GLI3: variants seen among roughly 807,000 people sequenced by gnomAD.
GLI3 encodes the protein transcription activator GLI3.
GLI3 carries 20 observed loss-of-function variants against 100.8 expected under a neutral mutation model. That is an observed-to-expected ratio of 0.20 (90% CI 0.14 to 0.29). The LOEUF is 0.29. Ranked by LOEUF, GLI3 falls within the 10% of genes least tolerant of loss-of-function variation. The probability of loss-of-function intolerance (pLI) is 1.00; values close to 1 mark genes in which losing one functional copy is unlikely to be tolerated. For missense variants in GLI3, 2,040 were observed against 2,128.5 expected (o/e 0.96, Z 0.82); for synonymous variants, 938 against 860.5 (o/e 1.09, Z -1.58).
chr7:42,148,107 T>C, intron 3 of GLI3, 119 bp downstream of exon 3: 3 of 1,063,942 alleles, frequency 2.8e-6, no homozygotes, highest in Non-Finnish European at 2.6e-6. Context: ...TTTTAATAAA[T>C]TATACAAGCC....
chr7:42,036,278 G>C (rs1044853780), intron 7 of GLI3, among the ~76,000 whole-genome samples: 8 of 152,134 alleles, frequency 5.3e-5, no homozygotes, highest in African/African-American at 1.9e-4. Flanking sequence ...CTTTCAGAAA[G>C]CCAGAATTAT....
intron 3 of GLI3, among the ~76,000 whole-genome samples, chr7:42,127,908 A>G (rs1389918702): frequency 6.6e-6 from 1 of 151,784 alleles, no homozygotes; most frequent in African/African-American, 2.4e-5. Context: ...GCTACTCAGG[A>G]GGCTGAGGCA....
At chr7:42,109,942 C>A (rs1482450247) in intron 3 of GLI3, among the ~76,000 whole-genome samples, 3 of 152,180 alleles carry the variant, frequency 2.0e-5, no homozygotes, top group Non-Finnish European at 2.9e-5. Flanking sequence ...GCTGGCTATA[C>A]CTCTTTAGGA....
chr7:42,153,605 C>G (rs541459500), intron 2 of GLI3, among the ~76,000 whole-genome samples: 5 of 151,808 alleles, frequency 3.3e-5, no homozygotes, highest in South Asian at 2.1e-4. Flanking sequence ...GGGGAAAGAC[C>G]GGAGGATACT....
chr7:41,967,908 G>A lies in GLI3; in HGVS notation c.2119C>T (p.Pro707Ser), dbSNP rs121917716. 579 of 1,614,006 alleles carry A rather than the reference G, an allele frequency of 3.6e-4. No homozygotes were observed. The highest frequency in any genetic ancestry group is 4.6e-4 in the Non-Finnish European group (548 of 1,179,982). The change falls in exon 14 of 15, where the codon CCT (proline) becomes TCT (serine). Residue 707 changes from proline to serine, a missense_variant. By Grantham distance (74) the Pro-to-Ser change is moderately conservative. Transcript: ENST00000395925. ...CTGCTGCATGAAGACTGACCACCAG[G>A]GCTTGGCTGAGATGTCTGTTGGGGT... ...AEKPMTSQPS[P>S]GGQSSCSSQQ...
intron 13 of GLI3, among the ~76,000 whole-genome samples, chr7:41,971,415 A>C (rs1391621692): frequency 6.6e-6 from 1 of 152,200 alleles, no homozygotes; most frequent in East Asian, 1.9e-4. Context: ...AGATGGGCTG[A>C]ATCTCCTCTA....
At chr7:42,112,084 A>G (rs1785722477) in intron 3 of GLI3, among the ~76,000 whole-genome samples, 1 of 152,260 alleles carries the variant, frequency 6.6e-6, no homozygotes, top group South Asian at 2.1e-4. Flanking sequence ...AAACAATGAC[A>G]GGGGAGATTT....
At position 41,972,504 on chromosome 7, in the gene GLI3, T is replaced by C; in HGVS notation, c.1936A>G (p.Ile646Val). ...CTCGGGGGTGGCGGCCGAGGATGGA[T>C]GTCCCCTCGCTGCTTCTTGGTGACA... is the stretch of plus-strand genomic sequence containing the variant. ...AHVTKKQRGD[I>V]HPRPPPPRDS... Residue 646 changes from isoleucine to valine, a missense_variant, in exon 13 of 15, where the codon ATC (isoleucine) becomes GTC (valine). This residue lies in a region of GLI3 where 327 missense variants were observed against 338.7 expected (regional missense o/e 0.97). Transcript: ENST00000395925. This position sits in a 1 kb window ranked among gnomAD's most constrained non-coding sequence, Gnocchi z 4.4. 5 of 1,613,126 alleles carry C rather than the reference T, an allele frequency of 3.1e-6. No homozygotes were observed. Among genetic ancestry groups the C allele is most frequent in the Non-Finnish European group, 4.2e-6 (5 of 1,179,920 alleles).
chr7:42,005,275 A>C (rs1206957468), intron 10 of GLI3, among the ~76,000 whole-genome samples: 6 of 152,110 alleles, frequency 3.9e-5, no homozygotes, highest in Non-Finnish European at 8.8e-5. Context: ...AGTAAGCCTC[A>C]TTATGTTCCC....
At chr7:42,239,737 C>T (rs1788905199), upstream of GLI3, among the ~76,000 whole-genome samples, 1 of 152,246 alleles carries the variant, frequency 6.6e-6, no homozygotes, top group East Asian at 1.9e-4. Context: ...CCCCTATGCC[C>T]GTCACAATAG....
At chr7:42,209,355 G>T (rs917937343) in intron 2 of GLI3, among the ~76,000 whole-genome samples, 4 of 152,114 alleles carry the variant, frequency 2.6e-5, no homozygotes, top group Non-Finnish European at 2.9e-5. Flanking sequence ...CTGGTCTCTG[G>T]AATAGTATTT....
rs563570295 is a variant in GLI3, at chr7:42,185,663, A to C, written c.125-37195T>G. 3.3e-5 allele frequency among the ~76,000 whole-genome samples: 5 copies of C among 152,324 alleles called. No homozygotes were observed. The East Asian group carries it at 9.7e-4, about 29-fold the overall frequency. ...CCTTGTGCACTCCTATGCACCACAG[A>C]TGTGCTGCTACAGAGTATATGTGCA... is the stretch of plus-strand genomic sequence containing the variant. On this transcript the variant is annotated intron_variant, in intron 2 of 14. Coordinates refer to ENST00000395925, the MANE Select transcript of GLI3 (RefSeq NM_000168.6).
chr7:42,209,280 G>T (rs916080893), intron 2 of GLI3, among the ~76,000 whole-genome samples: 3 of 152,092 alleles, frequency 2.0e-5, no homozygotes, highest in Middle Eastern at 3.4e-3. Flanking sequence ...CAAACTCCTG[G>T]CCTCAAGCAA....
chr7:42,060,915 C>A (rs139295571), intron 4 of GLI3, among the ~76,000 whole-genome samples: 2 of 152,290 alleles, frequency 1.3e-5, no homozygotes, highest in Non-Finnish European at 2.9e-5. Flanking sequence ...TAATACACAT[C>A]AAGTGTAAGG....
At chr7:42,014,017 T>C (rs1308495563) in intron 10 of GLI3, among the ~76,000 whole-genome samples, 2 of 152,122 alleles carry the variant, frequency 1.3e-5, no homozygotes, top group Non-Finnish European at 2.9e-5. Flanking sequence ...TCGTAAAACA[T>C]CTCCAAACTA....
intron 10 of GLI3, among the ~76,000 whole-genome samples, chr7:42,005,497 A>ACACACG (rs1788435306): frequency 1.3e-5 from 2 of 151,264 alleles, no homozygotes; most frequent in Admixed American, 1.3e-4. Flanking sequence ...ACACACACAC[A>ACACACG]GATTCAGAGT....
At chr7:42,106,604 G>A (rs1005780783) in intron 3 of GLI3, among the ~76,000 whole-genome samples, 7 of 152,182 alleles carry the variant, frequency 4.6e-5, no homozygotes, top group Admixed American at 1.3e-4. Flanking sequence ...ATACTGGTTG[G>A]AAATCTATAA....
In GLI3 at chr7:41,961,916, G is replaced by C. The variant is rs1787022792; in HGVS notation, c.*2414C>G. The C allele has an allele frequency of 6.6e-6, 1 of 151,906 alleles. No homozygotes were observed. The highest frequency in any genetic ancestry group is 6.6e-5 in the Admixed American group (1 of 15,250). The allele number at this position is 151,906 out of a possible 1,614,324, so 9.4% of individuals were successfully genotyped here. The stretch of plus-strand genomic sequence containing the variant: ...TCCATATTGAGAGAAGCCAAACATT[G>C]AGCTGAAACTTGCATCTCCTGCAAA... On this transcript the variant is annotated 3_prime_UTR_variant, in exon 15 of 15. Transcript: ENST00000395925.
intron 4 of GLI3, among the ~76,000 whole-genome samples, chr7:42,074,907 T>C (rs1417857679): frequency 1.3e-5 from 2 of 152,156 alleles, no homozygotes; most frequent in African/African-American, 2.4e-5. Flanking sequence ...ATCCAAAGCC[T>C]GGCTAAAAAA....
Sources: allele counts gnomAD v4.1 joint callset (sites outside exome capture counted in the v4.1 genomes callset), GRCh38; gene constraint gnomAD v4.1.1; regional missense constraint gnomAD v4.1.1; non-coding constraint Gnocchi (gnomAD v3.1); transcripts MANE v1.5; gene names NCBI Gene and HGNC (gene_info 2026-07-23, HGNC 2026-07-21).